Variants in ABCB1 observed in about 807,000 individuals in gnomAD.
ABCB1 encodes the protein ATP binding cassette subfamily B member 1.
A neutral mutation model predicts 142.0 loss-of-function variants in ABCB1; 69 were observed. That is an observed-to-expected ratio of 0.49 (90% CI 0.40 to 0.59). The LOEUF (loss-of-function observed/expected upper bound fraction) is 0.59. Among genes scored for constraint, ABCB1 ranks in the 20% least tolerant of loss-of-function variants. The probability of loss-of-function intolerance (pLI) is 0.00; values close to 1 mark genes in which losing one functional copy is unlikely to be tolerated. For synonymous variants in ABCB1, 532 were observed against 539.2 expected (o/e 0.99, Z 0.18); for missense variants, 1,326 against 1,554.7 (o/e 0.85, Z 2.47).
intron 20 of ABCB1, among the ~76,000 whole-genome samples, chr7:87,535,666 A>C (rs1363569371): frequency 6.6e-6 from 1 of 152,210 alleles, no homozygotes; most frequent in Non-Finnish European, 1.5e-5. Flanking sequence ...TTATAACTCT[A>C]TGTATTTCCT....
At chr7:87,692,420 G>C (rs1828101314) in intron 1 of ABCB1, among the ~76,000 whole-genome samples, 1 of 152,178 alleles carries the variant, frequency 6.6e-6, no homozygotes, top group South Asian at 2.1e-4. Context: ...ATGCATCACT[G>C]AGCTCCAGCC....
intron 27 of ABCB1, among the ~76,000 whole-genome samples, chr7:87,505,521 G>A (rs1338270207): frequency 1.3e-5 from 2 of 152,116 alleles, no homozygotes; most frequent in African/African-American, 4.8e-5. Flanking sequence ...CGTTTTCTCT[G>A]ACTAGAAATG....
chr7:87,699,255 G>A (rs1320322207), intron 1 of ABCB1, among the ~76,000 whole-genome samples: 3 of 151,966 alleles, frequency 2.0e-5, no homozygotes, highest in Non-Finnish European at 2.9e-5. Flanking sequence ...AAATATGAAA[G>A]CAAATCTTTC....
chr7:87,701,638 T>G (rs1204644996), intron 1 of ABCB1, among the ~76,000 whole-genome samples: 1 of 152,182 alleles, frequency 6.6e-6, no homozygotes, highest in Non-Finnish European at 1.5e-5. Context: ...TACAGAAACT[T>G]ACCATTTAGT....
intron 3 of ABCB1, among the ~76,000 whole-genome samples, chr7:87,591,848 C>T (rs1819012138): frequency 6.6e-6 from 1 of 152,168 alleles, no homozygotes; most frequent in South Asian, 2.1e-4. Flanking sequence ...GGAATGTCCA[C>T]ATCATCTCTG....
intron 25 of ABCB1, among the ~76,000 whole-genome samples, chr7:87,514,353 A>G (rs757623143): frequency 6.6e-6 from 1 of 152,098 alleles, no homozygotes; most frequent in Admixed American, 6.6e-5. Context: ...TCTTAATTCT[A>G]TTCCTTCCTA....
intron 4 of ABCB1, among the ~76,000 whole-genome samples, chr7:87,575,975 C>T (rs959724644): frequency 2.6e-5 from 4 of 152,116 alleles, no homozygotes; most frequent in African/African-American, 9.7e-5. Flanking sequence ...TGTCAACCCG[C>T]AAGCAATTCC....
intron 1 of ABCB1, among the ~76,000 whole-genome samples, chr7:87,654,677 T>G (rs1361584859): frequency 2.0e-5 from 3 of 152,080 alleles, no homozygotes; most frequent in Admixed American, 6.6e-5. Context: ...TGATGACATT[T>G]TTGGATTTGA....
intron 8 of ABCB1, among the ~76,000 whole-genome samples, chr7:87,554,681 C>T (rs1817237948): frequency 6.6e-6 from 1 of 152,168 alleles, no homozygotes; most frequent in African/African-American, 2.4e-5. Flanking sequence ...ATTAATGCTC[C>T]CAACACTTGT....
At position 87,503,023 on chromosome 7, in the gene ABCB1, C is replaced by A. The variant is rs933705593; in HGVS notation, c.*1220G>T. On this transcript the variant is annotated 3_prime_UTR_variant, in exon 28 of 28. Coordinates refer to ENST00000622132, the MANE Select transcript of ABCB1 (RefSeq NM_001348946.2). Reference sequence around the variant, plus strand: ...GACCAATTCAACTAATAAGGAATGTCACATTAGATTTTTTTATTCATCATT... The same window carrying A: ...GACCAATTCAACTAATAAGGAATGTAACATTAGATTTTTTTATTCATCATT... Among the ~76,000 whole-genome samples, 3 of 151,812 alleles carry A rather than the reference C, an allele frequency of 2.0e-5. No homozygotes were observed. Among genetic ancestry groups the A allele is most frequent in the Non-Finnish European group, 2.9e-5 (2 of 67,874 alleles).
rs117088408 is a variant in ABCB1, at chr7:87,512,673, G to A, written c.3282+2558C>T. ...TAGTAGTAATCCACTGAGTTATTCAGGGCTACTCATTGATGTCCATAAACA... is the reference window on the plus strand; with the variant it reads ...TAGTAGTAATCCACTGAGTTATTCAAGGCTACTCATTGATGTCCATAAACA... On this transcript the variant is annotated intron_variant, in intron 25 of 27. Coordinates refer to ENST00000622132, the MANE Select transcript of ABCB1 (RefSeq NM_001348946.2). Among the ~76,000 whole-genome samples, 801 of 152,262 alleles carry A rather than the reference G, an allele frequency of 5.3e-3. 4 individuals are homozygous for A. The highest frequency in any genetic ancestry group is 8.7e-3 in the Non-Finnish European group (590 of 68,020).
chr7:87,543,523 T>C, intron 17 of ABCB1, among the ~76,000 whole-genome samples: 1 of 152,154 alleles, frequency 6.6e-6, no homozygotes. Context: ...TGTCCTCAGC[T>C]TGATGTTTGG....
chr7:87,678,533 G>T (rs1826606107), intron 1 of ABCB1, among the ~76,000 whole-genome samples: 1 of 152,138 alleles, frequency 6.6e-6, no homozygotes, highest in East Asian at 1.9e-4. Context: ...TATCCAAAAA[G>T]AAGGTGGTGA....
intron 14 of ABCB1, among the ~76,000 whole-genome samples, chr7:87,548,040 T>A (rs67781154): frequency 0.49 from 67,134 of 137,482 alleles, 15,973 homozygotes; most frequent in Middle Eastern, 0.55. Flanking sequence ...TAAGATAAGA[T>A]AAGAAAAGAA....
At chr7:87,669,591 T>C (rs1019231527) in intron 1 of ABCB1, among the ~76,000 whole-genome samples, 3 of 152,232 alleles carry the variant, frequency 2.0e-5, no homozygotes, top group Non-Finnish European at 2.9e-5. Context: ...TTTAAGCATG[T>C]TTTTGTATTA....
rs542940036 is a variant in ABCB1 at position 87,655,118 on chromosome 7, AG to A, written c.-330-54041del. 2.7e-3 allele frequency among the ~76,000 whole-genome samples: 417 copies of A among 152,260 alleles called. 3 individuals carry two copies. Among genetic ancestry groups the A allele is most frequent in the African/African-American group, 9.5e-3 (397 of 41,574 alleles). The stretch of plus-strand genomic sequence containing the variant: ...ACAGCCATTACAGAAAACATTATGG[AG>A]GTTCCTCAAAAAATTAAAAATAGAA... On this transcript the variant is annotated intron_variant, in intron 1 of 28. Coordinates refer to the ABCB1 transcript ENST00000265724.
chr7:87,558,613 C>T (rs929933970), intron 8 of ABCB1, among the ~76,000 whole-genome samples: 3 of 151,886 alleles, frequency 2.0e-5, no homozygotes, highest in East Asian at 1.9e-4. Flanking sequence ...ACACATTTGC[C>T]TCATTCATTA....
intron 4 of ABCB1, among the ~76,000 whole-genome samples, chr7:87,574,685 C>A (rs1336180681): frequency 6.6e-6 from 1 of 152,094 alleles, no homozygotes; most frequent in Non-Finnish European, 1.5e-5. Context: ...CAAAATTTTT[C>A]TCCTGGAATA....
intron 1 of ABCB1, among the ~76,000 whole-genome samples, chr7:87,653,871 T>C (rs1029829518): frequency 6.6e-6 from 1 of 152,006 alleles, no homozygotes; most frequent in Non-Finnish European, 1.5e-5. Flanking sequence ...AGTAAAGTGC[T>C]TCAGATAGGC....
Sources: allele counts gnomAD v4.1 joint callset (sites outside exome capture counted in the v4.1 genomes callset), GRCh38; gene constraint gnomAD v4.1.1; transcripts MANE v1.5; gene names NCBI Gene and HGNC (gene_info 2026-07-23, HGNC 2026-07-21).